C1orf141: variants seen among roughly 807,000 people sequenced by gnomAD.
The protein encoded by C1orf141 is chromosome 1 open reading frame 141.
C1orf141 carries 19 observed loss-of-function variants against 23.2 expected under a neutral mutation model. The ratio of observed to expected loss-of-function variants is 0.82; its 90% confidence interval spans 0.57 to 1.20. The LOEUF (loss-of-function observed/expected upper bound fraction) is 1.20, where lower values mean the gene tolerates loss of function less well. Ranked by LOEUF, C1orf141 falls within the 50% of genes most tolerant of loss-of-function variation. The pLI, the probability that C1orf141 is intolerant of heterozygous loss-of-function variation, is 0.00. For missense variants in C1orf141, 469 were observed against 455.1 expected, an observed-to-expected ratio of 1.03 and a Z score of -0.28; for synonymous variants, 153 against 154.6, an observed-to-expected ratio of 0.99 and a Z score of 0.08.
At chr1:67,127,502 GA>G in intron 2 of C1orf141, among the ~76,000 whole-genome samples, 1 of 152,272 alleles carries the variant, frequency 6.6e-6, no homozygotes, top group South Asian at 2.1e-4. Context: ...AGGTGAGGGG[GA>G]GAAAGTTCAC....
chr1:67,106,807 A>G (rs372038606), intron 5 of C1orf141, among the ~76,000 whole-genome samples: 1 of 152,230 alleles, frequency 6.6e-6, no homozygotes, highest in Non-Finnish European at 1.5e-5. Flanking sequence ...GAATTAAAAC[A>G]TGTAATATCT....
chr1:67,092,458 A>C lies in C1orf141; in HGVS notation c.*547T>G, dbSNP rs757749994. 6.6e-6 allele frequency: 1 copy of C among 152,256 alleles called. No individual in the cohort carries two copies. Among genetic ancestry groups the C allele is most frequent in the Non-Finnish European group, 1.5e-5 (1 of 68,032 alleles). The allele number at this position is 152,256 out of a possible 1,614,324, so 9.4% of individuals were successfully genotyped here. A position where few individuals can be genotyped will look rare whatever the true frequency, so the allele number is the denominator to read the frequency against. ...AAGTTAAAGTTTGCAAAAACATTAT[A>C]TAATAATGAAGTTCCAACAGCTACT... On this transcript the variant is annotated 3_prime_UTR_variant, in exon 8 of 8. Transcript: ENST00000684719.
rs1378826679 is a variant in C1orf141, at chr1:67,092,354, T to C, written c.*651A>G. 1 of 152,272 alleles carries C rather than the reference T, an allele frequency of 6.6e-6. No individual in the cohort carries two copies. The highest frequency in any genetic ancestry group is 1.5e-5 in the Non-Finnish European group (1 of 68,016). 9.4% of individuals were successfully genotyped at this position (152,272 alleles called of 1,614,324 possible). ...AGCAATGTAATAATATACCTTAAAA[T>C]GTTTAATACCTTATAGGATTTGCTA... On this transcript the variant is annotated 3_prime_UTR_variant, in exon 8 of 8. Coordinates refer to ENST00000684719, the MANE Select transcript of C1orf141 (RefSeq NM_001276351.2).
chr1:67,098,511 C>T (rs1020193552), intron 5 of C1orf141, among the ~76,000 whole-genome samples: 3 of 151,798 alleles, frequency 2.0e-5, no homozygotes, highest in African/African-American at 4.8e-5. Flanking sequence ...CAGGGTGAGA[C>T]TCAGTTTCAA....
At chr1:67,097,395 A>G (rs1032855627) in intron 5 of C1orf141, among the ~76,000 whole-genome samples, 1 of 152,160 alleles carries the variant, frequency 6.6e-6, no homozygotes, top group African/African-American at 2.4e-5. Context: ...TTGAGTTGAA[A>G]TCTGAGTAAA....
At chr1:67,094,702 T>C (rs72933965) in intron 7 of C1orf141, 15,299 of 152,332 alleles carry the variant, frequency 0.1, 1,226 homozygotes, top group African/African-American at 0.22. Flanking sequence ...TCGAGCCATA[T>C]TGCCTCTCTA....
chr1:67,121,699 C>G (rs1219410187), intron 4 of C1orf141: 1 of 152,098 alleles, frequency 6.6e-6, no homozygotes, highest in African/African-American at 2.4e-5. Context: ...AAACATCTCA[C>G]AAAATTGCTG....
At chr1:67,102,579 G>A (rs973701709) in intron 5 of C1orf141, 6 of 152,092 alleles carry the variant, frequency 3.9e-5, no homozygotes, top group Admixed American at 1.3e-4. Context: ...GTACAGCAAG[G>A]ATAGGAGGAC....
chr1:67,135,906 C>CAAAA (rs59519661), upstream of C1orf141, among the ~76,000 whole-genome samples: 1,473 of 62,534 alleles, frequency 0.024, 270 homozygotes, highest in African/African-American at 0.092. Context: ...GGCAAAACTG[C>CAAAA]AAAAAAAAAA....
upstream of C1orf141, among the ~76,000 whole-genome samples, chr1:67,135,735 T>C (rs990264562): frequency 6.6e-6 from 1 of 151,916 alleles, no homozygotes; most frequent in African/African-American, 2.4e-5. Context: ...ACAATATTGG[T>C]TACATTTTAA....
intron 5 of C1orf141, among the ~76,000 whole-genome samples, chr1:67,098,379 G>C (rs1645730373): frequency 6.6e-6 from 1 of 152,074 alleles, no homozygotes; most frequent in Non-Finnish European, 1.5e-5. Flanking sequence ...AAATCAGCTG[G>C]GCATTGTGGC....
At chr1:67,098,882 T>G (rs1355710531) in intron 5 of C1orf141, among the ~76,000 whole-genome samples, 1 of 152,108 alleles carries the variant, frequency 6.6e-6, no homozygotes, top group Admixed American at 6.6e-5. Context: ...AATATAAATC[T>G]AGATTACATG....
At chr1:67,110,634 A>G (rs1050233544) in intron 5 of C1orf141, among the ~76,000 whole-genome samples, 1 of 151,996 alleles carries the variant, frequency 6.6e-6, no homozygotes, top group Non-Finnish European at 1.5e-5. Context: ...TATCACATGG[A>G]TATTTCTATT....
chr1:67,099,433 C>G (rs1476434053), intron 5 of C1orf141, among the ~76,000 whole-genome samples: 1 of 152,146 alleles, frequency 6.6e-6, no homozygotes, highest in Non-Finnish European at 1.5e-5. Flanking sequence ...TAATAGCCAA[C>G]AGGTCACCAT....
At chr1:67,113,656 T>C (rs750948086) in intron 5 of C1orf141, 3 of 1,220,534 alleles carry the variant, frequency 2.5e-6, no homozygotes, top group Non-Finnish European at 3.2e-6. Context: ...TGAGCCACCG[T>C]GCCCGGCCAG....
At chr1:67,110,226 G>A (rs934694831) in intron 5 of C1orf141, among the ~76,000 whole-genome samples, 1 of 151,982 alleles carries the variant, frequency 6.6e-6, no homozygotes, top group South Asian at 2.1e-4. Flanking sequence ...GGATAAAACT[G>A]TTAAGATCTT....
intron 4 of C1orf141, among the ~76,000 whole-genome samples, chr1:67,121,454 A>T (rs1437750569): frequency 6.6e-6 from 1 of 152,180 alleles, no homozygotes; most frequent in African/African-American, 2.4e-5. Flanking sequence ...TCCCGTTGTC[A>T]ATTTCTACCA....
At chr1:67,122,503 T>C (rs549490521) in intron 4 of C1orf141, 1 of 152,352 alleles carries the variant, frequency 6.6e-6, no homozygotes, top group African/African-American at 2.4e-5. Flanking sequence ...GTTCCACCTT[T>C]GTCTGTGTTC....
intron 2 of C1orf141, among the ~76,000 whole-genome samples, chr1:67,127,514 G>A (rs1409408701): frequency 1.3e-5 from 2 of 152,124 alleles, no homozygotes; most frequent in African/African-American, 4.8e-5. Context: ...GAAAGTTCAC[G>A]ATTACCATGA....
Sources: allele counts gnomAD v4.1 joint callset (sites outside exome capture counted in the v4.1 genomes callset), GRCh38; gene constraint gnomAD v4.1.1; transcripts MANE v1.5; gene names NCBI Gene and HGNC (gene_info 2026-07-23, HGNC 2026-07-21).